PLXNB1: variants seen among roughly 807,000 people sequenced by gnomAD.
The protein encoded by PLXNB1 is plexin B1, also known as plexin-B1.
A neutral mutation model predicts 209.4 loss-of-function variants in PLXNB1; 106 were observed. The ratio of observed to expected loss-of-function variants is 0.51; its 90% CI spans 0.43 to 0.59. The LOEUF (loss-of-function observed/expected upper bound fraction) is 0.59, where lower values mean the gene tolerates loss of function less well. Ranked by LOEUF, PLXNB1 falls within the 20% of genes least tolerant of loss-of-function variation. The probability of loss-of-function intolerance (pLI) is 0.00; values close to 1 mark genes in which losing one functional copy is unlikely to be tolerated. For missense variants in PLXNB1, 2,357 were observed against 2,853.2 expected (o/e 0.83, Z 3.96); for synonymous variants, 1,167 against 1,183.2 (o/e 0.99, Z 0.28).
rs1173177677 is a variant in PLXNB1, at chr3:48,406,513, G to A, written c.6228+310C>T. ...CTGTGCCACCAAGGGAAGCACAGCAGTGGGAAGACGCATGCAGGCAGACCC... is the reference window on the plus strand; with the variant it reads ...CTGTGCCACCAAGGGAAGCACAGCAATGGGAAGACGCATGCAGGCAGACCC... On this transcript the variant is annotated intron_variant, in intron 36 of 37. Transcript: ENST00000296440. This position sits in a 1 kb window ranked among gnomAD's most constrained non-coding sequence, Gnocchi z 4.4. The A allele has an allele frequency of 1.2e-5, 11 of 934,918 alleles. No individual in the cohort carries two copies. The highest frequency in any genetic ancestry group is 1.2e-4 in the East Asian group (1 of 8,566). 57.9% of individuals were successfully genotyped at this position (934,918 alleles called of 1,614,324 possible). A position where few individuals can be genotyped will look rare whatever the true frequency, so the allele number is the denominator to read the frequency against.
chr3:48,405,703 C>T lies in PLXNB1; in HGVS notation c.6303+21G>A, dbSNP rs769584772. 1.9e-6 allele frequency: 3 copies of T among 1,603,444 alleles called. No homozygotes were observed. The highest frequency in any genetic ancestry group is 1.7e-5 in the Admixed American group (1 of 59,876). ...GGAGGCCTTGGGTCAGCCTCCCAGT[C>T]GGGGTCCAGGGCCTGCCCACCTGGT... On this transcript the variant is annotated intron_variant, in intron 37 of 37. Transcript: ENST00000296440. This position sits in a 1 kb window ranked among gnomAD's most constrained non-coding sequence, Gnocchi z 5.0.
intron 27 of PLXNB1, 81 bp from the exon 28 acceptor site, chr3:48,412,090 G>A: frequency 6.5e-7 from 1 of 1,538,276 alleles, no homozygotes; most frequent in Admixed American, 1.7e-5. Flanking sequence ...GAAGGGGACA[G>A]GACATGGGCT....
At position 48,411,439 on chromosome 3, in the gene PLXNB1, C is replaced by T. The variant is rs1296962170; in HGVS notation, c.5248-403G>A. 6.6e-6 allele frequency among the ~76,000 whole-genome samples: 1 copy of T among 152,190 alleles called. No individual in the cohort carries two copies. The highest frequency in any genetic ancestry group is 1.5e-5 in the Non-Finnish European group (1 of 68,026). On this transcript the variant is annotated intron_variant, in intron 28 of 37. Transcript: ENST00000296440. The surrounding 1 kb of genome is among the most constrained non-coding windows in gnomAD (Gnocchi z 4.0). The stretch of plus-strand genomic sequence containing the variant: ...AGCAGGCCTGAATGGGGGTTTCCCA[C>T]AGGAACCCTTGTGCGTAACTAAGGG...
Position 48,412,002 on chromosome 3 carries a change from A to G in PLXNB1, c.5108T>C (p.Val1703Ala), listed in dbSNP as rs1381561597. ...ICLYTFVRDS[V>A]GEPLYMLFRG... Reference sequence around the variant, plus strand: ...AAAGAGCATGTACAGAGGCTCCCCTACGGAGTCCTAGGAGAGCACAGGCAG... The same window carrying G: ...AAAGAGCATGTACAGAGGCTCCCCTGCGGAGTCCTAGGAGAGCACAGGCAG... Residue 1703 changes from valine to alanine, a missense_variant, in exon 28 of 38, where the codon GTA becomes GCA. Coordinates refer to ENST00000296440, the MANE Select transcript of PLXNB1 (RefSeq NM_001130082.3). The G allele has an allele frequency of 6.2e-7, 1 of 1,613,912 alleles. No individual in the cohort carries two copies. The highest frequency in any genetic ancestry group is 8.5e-7 in the Non-Finnish European group (1 of 1,179,944).
rs144663234 is a variant in PLXNB1 at position 48,405,736 on chromosome 3, C to G, written c.6291G>C (p.Lys2097Asn). The G allele has an allele frequency of 6.2e-7, 1 of 1,613,628 alleles. No individual in the cohort carries two copies. The highest frequency in any genetic ancestry group is 1.1e-5 in the South Asian group (1 of 91,066). ...ALHELYKYIN[K>N]YYDQIITALE... ...AGGGCCTGCCCACCTGGTCATAGTACTTGTTGATGTACTTGTAGAGTTCAT... is the reference window on the plus strand; with the variant it reads ...AGGGCCTGCCCACCTGGTCATAGTAGTTGTTGATGTACTTGTAGAGTTCAT... Residue 2097 changes from lysine to asparagine, a missense_variant, in exon 37 of 38, where the codon AAG becomes AAC. Physicochemically the swap from Lys to Asn is moderately conservative, Grantham distance 94. This residue lies in a region of PLXNB1 where 414 missense variants were observed against 520.5 expected (regional missense o/e 0.80). Transcript: ENST00000296440. The surrounding 1 kb of genome is among the most constrained non-coding windows in gnomAD (Gnocchi z 5.0).
chr3:48,406,663 G>A lies in PLXNB1; in HGVS notation c.6228+160C>T. 2.1e-6 allele frequency: 3 copies of A among 1,426,590 alleles called. No individual in the cohort carries two copies. The highest frequency in any genetic ancestry group is 2.7e-6 in the Non-Finnish European group (3 of 1,092,370). The allele number at this position is 1,426,590 out of a possible 1,614,324, so 88.4% of individuals were successfully genotyped here. On this transcript the variant is annotated intron_variant, in intron 36 of 37. Transcript: ENST00000296440. The surrounding 1 kb of genome is among the most constrained non-coding windows in gnomAD (Gnocchi z 4.4). ...AGATGGTGGGAGCCCTGGTCTTTCA[G>A]TGGCAGTTGGAACATTCTGCATTTA...
At chr3:48,423,387 T>A in intron 3 of PLXNB1, 118 bp downstream of exon 3, 6 of 1,121,972 alleles carry the variant, frequency 5.3e-6, no homozygotes, top group Admixed American at 2.2e-5. Flanking sequence ...TATTTGCTGA[T>A]CTGATCATCC....
chr3:48,404,245 G>A lies in PLXNB1; in HGVS notation c.*241C>T, dbSNP rs928171831. ...CTTAGTCCCCAACTCCCTGCAGACC[G>A]GTGTCACAGGGTCGCTGGACTCGGG... On this transcript the variant is annotated 3_prime_UTR_variant, in exon 38 of 38. Transcript: ENST00000296440. 5.4e-5 allele frequency: 28 copies of A among 514,612 alleles called. No homozygotes were observed. The highest frequency in any genetic ancestry group is 5.0e-4 in the Middle Eastern group (1 of 1,984). 31.9% of individuals were successfully genotyped at this position (514,612 alleles called of 1,614,324 possible).
chr3:48,411,236 C>T lies in PLXNB1; in HGVS notation c.5248-200G>A, dbSNP rs2037662369. The stretch of plus-strand genomic sequence containing the variant: ...CCCATTGTGACCCCAGCACCTAGCG[C>T]AGTGCACTTGTAAACCACTATGGGG... On this transcript the variant is annotated intron_variant, in intron 28 of 37. Transcript: ENST00000296440. This position sits in a 1 kb window ranked among gnomAD's most constrained non-coding sequence, Gnocchi z 4.0. Among the ~76,000 whole-genome samples the T allele has an allele frequency of 1.3e-5, 2 of 152,208 alleles. No individual in the cohort carries two copies. Among genetic ancestry groups the T allele is most frequent in the Non-Finnish European group, 2.9e-5 (2 of 68,036 alleles).
Position 48,423,981 on chromosome 3 carries a change from G to T in PLXNB1, c.631C>A (p.Leu211Ile), listed in dbSNP as rs1288378008. ...ACGAAGTGGTGGCTGTACTCGGAGAGGCGGCCCACTGCCAGCTTGGCTGTC... is the reference window on the plus strand; with the variant it reads ...ACGAAGTGGTGGCTGTACTCGGAGATGCGGCCCACTGCCAGCTTGGCTGTC... ...EETAKLAVGR[L>I]SEYSHHFVSA... Residue 211 changes from leucine (L) to isoleucine (I), a missense_variant, in exon 3 of 38, where the codon CTC (leucine) becomes ATC (isoleucine). Leu to Ile is a conservative substitution (Grantham distance 5). Coordinates refer to ENST00000296440, the MANE Select transcript of PLXNB1 (RefSeq NM_001130082.3). 14 of 1,613,542 alleles carry T rather than the reference G, an allele frequency of 8.7e-6. No homozygotes were observed. Among genetic ancestry groups the T allele is most frequent in the Non-Finnish European group, 1.2e-5 (14 of 1,179,882 alleles).
At position 48,416,195 on chromosome 3, in the gene PLXNB1, G is replaced by A. The variant is rs1250900540; in HGVS notation, c.3481-28C>T. ...GTGGGACAGACAGGGAGAGAGATGA[G>A]CATCAGACCAGACACATGGAGGCAG... On this transcript the variant is annotated intron_variant, in intron 17 of 37. Transcript: ENST00000296440. This position sits in a 1 kb window ranked among gnomAD's most constrained non-coding sequence, Gnocchi z 4.1. 1.9e-6 allele frequency: 3 copies of A among 1,588,590 alleles called. No homozygotes were observed. The highest frequency in any genetic ancestry group is 2.6e-6 in the Non-Finnish European group (3 of 1,166,922).
intron 8 of PLXNB1, 133 bp downstream of exon 8, chr3:48,421,095 G>A: frequency 7.7e-7 from 1 of 1,292,480 alleles, no homozygotes; most frequent in East Asian, 2.3e-5. Context: ...GGAGGCTTCA[G>A]GTGGTTGGGG....
rs1301963000 is a variant in PLXNB1, at chr3:48,418,529, G to C, written c.2969C>G (p.Ala990Gly). 6.2e-7 allele frequency: 1 copy of C among 1,602,598 alleles called. No individual in the cohort carries two copies. The change falls in exon 14 of 38, where the codon GCT (alanine) becomes GGT (glycine). Residue 990 changes from alanine (A) to glycine (G), a missense_variant. Ala to Gly is a moderately conservative substitution (Grantham distance 60, BLOSUM62 0). Transcript: ENST00000296440. The surrounding 1 kb of genome is among the most constrained non-coding windows in gnomAD (Gnocchi z 6.6). ...TCQQHQLSYE[A>G]LQPELRVGLF... ...CCCCACACGGAGCTCCGGCTGCAGA[G>C]CCTCATAGCTGAGCTGGAGAAATGG...
rs887522440 is a variant in PLXNB1, at chr3:48,418,851, C to T, written c.2955+66G>A. On this transcript the variant is annotated intron_variant, in intron 13 of 37. Transcript: ENST00000296440. The surrounding 1 kb of genome is among the most constrained non-coding windows in gnomAD (Gnocchi z 6.6). The stretch of plus-strand genomic sequence containing the variant: ...CTGGAAAGTGTGGTGCAGCCAGCTA[C>T]AGTTGGCAGCCAGCCTGTGGCCAGT... 7 of 1,591,840 alleles carry T rather than the reference C, an allele frequency of 4.4e-6. No individual in the cohort carries two copies. The Admixed American group carries it at 8.4e-5, about 19-fold the overall frequency.
At position 48,406,498 on chromosome 3, in the gene PLXNB1, A is replaced by G. The variant is rs1374069761; in HGVS notation, c.6228+325T>C. 2 of 832,442 alleles carry G rather than the reference A, an allele frequency of 2.4e-6. No individual in the cohort carries two copies. Among genetic ancestry groups the G allele is most frequent in the African/African-American group, 1.8e-5 (1 of 54,158 alleles). 51.6% of individuals were successfully genotyped at this position (832,442 alleles called of 1,614,324 possible). A position where few individuals can be genotyped will look rare whatever the true frequency, so the allele number is the denominator to read the frequency against. On this transcript the variant is annotated intron_variant, in intron 36 of 37. Coordinates refer to ENST00000296440, the MANE Select transcript of PLXNB1 (RefSeq NM_001130082.3). The surrounding 1 kb of genome is among the most constrained non-coding windows in gnomAD (Gnocchi z 4.4). ...AGGTGAAGGGGACACCTGTGCCACC[A>G]AGGGAAGCACAGCAGTGGGAAGACG... is the stretch of plus-strand genomic sequence containing the variant.
intron 27 of PLXNB1, 51 bp downstream of exon 27, chr3:48,412,187 G>A: frequency 3.1e-6 from 5 of 1,590,028 alleles, no homozygotes; most frequent in Non-Finnish European, 4.3e-6. Flanking sequence ...TAGAAGTTTG[G>A]AGGGCCTGAC....
At chr3:48,414,191 C>G in intron 21 of PLXNB1, 120 bp from the exon 22 acceptor site, 2 of 896,500 alleles carry the variant, frequency 2.2e-6, no homozygotes, top group Non-Finnish European at 3.6e-6. Flanking sequence ...CTCTCAGCAC[C>G]CTTCCCGAGT....
chr3:48,430,069 A>ACCGCCCCTGCTCC lies in PLXNB1; in HGVS notation c.-134_-122dup, dbSNP rs1213162920. The ACCGCCCCTGCTCC allele has an allele frequency of 4.0e-5, 6 of 151,898 alleles. No individual in the cohort carries two copies. The highest frequency in any genetic ancestry group is 1.2e-4 in the African/African-American group (5 of 41,146). The allele number at this position is 151,898 out of a possible 1,614,324, so 9.4% of individuals were successfully genotyped here. On this transcript the variant is annotated 5_prime_UTR_variant, in exon 1 of 38. Transcript: ENST00000296440. Reference sequence around the variant, plus strand: ...CTGGCCCTGCCCACCGCCCCTGCTCACCGCCCCTGCTCCCACTACTCCCCA... The same window carrying ACCGCCCCTGCTCC: ...CTGGCCCTGCCCACCGCCCCTGCTCACCGCCCCTGCTCCCCGCCCCTGCTCCCACTACTCCCCA...
rs1319659029 is a variant in PLXNB1, at chr3:48,418,525, C to T, written c.2973G>A (p.Leu991=). Residue 991 remains leucine (L), a synonymous_variant, in exon 14 of 38, where the codon CTG becomes CTA. Coordinates refer to ENST00000296440, the MANE Select transcript of PLXNB1 (RefSeq NM_001130082.3). This position sits in a 1 kb window ranked among gnomAD's most constrained non-coding sequence, Gnocchi z 6.6. ...ACAGCCCCACACGGAGCTCCGGCTG[C>T]AGAGCCTCATAGCTGAGCTGGAGAA... ...CQQHQLSYEA[L]QPELRVGLFL... 1 of 1,604,892 alleles carries T rather than the reference C, an allele frequency of 6.2e-7. No homozygotes were observed. The highest frequency in any genetic ancestry group is 8.5e-7 in the Non-Finnish European group (1 of 1,176,282).
Sources: allele counts gnomAD v4.1 joint callset (sites outside exome capture counted in the v4.1 genomes callset), GRCh38; gene constraint gnomAD v4.1.1; regional missense constraint gnomAD v4.1.1; non-coding constraint Gnocchi (gnomAD v3.1); transcripts MANE v1.5; gene names NCBI Gene and HGNC (gene_info 2026-07-23, HGNC 2026-07-21).